Variants in MAGT1 observed in about 807,000 individuals in gnomAD.
MAGT1 encodes magnesium transporter 1.
A neutral mutation model predicts 28.4 loss-of-function variants in MAGT1; 4 were observed. The observed-to-expected ratio is 0.14, with a 90% confidence interval of 0.07 to 0.32. The LOEUF is 0.32. Ranked by LOEUF, MAGT1 falls within the 10% of genes least tolerant of loss-of-function variation. The pLI, the probability that MAGT1 is intolerant of heterozygous loss-of-function variation, is 1.00. For synonymous variants in MAGT1, 89 were observed against 89.7 expected (o/e 0.99, Z 0.04); for missense variants, 193 against 264.5 (o/e 0.73, Z 1.88).
chrX:77,832,230 G>A (rs1487660467), intron 8 of MAGT1, among the ~76,000 whole-genome samples: 6 of 111,102 alleles, frequency 5.4e-5, no homozygotes, highest in East Asian at 5.6e-4. Context: ...TTCAATCCCC[G>A]GACTAAAAAT....
intron 7 of MAGT1, among the ~76,000 whole-genome samples, chrX:77,849,945 CT>C (rs1358788379): frequency 2.0e-5 from 2 of 99,132 alleles, no homozygotes; most frequent in Non-Finnish European, 4.1e-5. Flanking sequence ...CTTTTGTAAA[CT>C]TTTCTGCATA....
chrX:77,845,792 C>G (rs187362766), intron 7 of MAGT1, among the ~76,000 whole-genome samples: 1 of 112,162 alleles, frequency 8.9e-6, no homozygotes, highest in Non-Finnish European at 1.9e-5. Flanking sequence ...TGTAGAGTTT[C>G]TGCTGAGAGA....
In MAGT1 at chrX:77,877,170, TA is replaced by T. The variant is rs1215665406; in HGVS notation, c.103-1574del. On this transcript the variant is annotated intron_variant, in intron 1 of 9. Transcript: ENST00000618282. Reference sequence around the variant, plus strand: ...GGCCTGACAACAAAAGCAGGATCCATAAAAAAAAAAAATTGATATACTGGAC... The same window carrying T: ...GGCCTGACAACAAAAGCAGGATCCATAAAAAAAAAAATTGATATACTGGAC... Among the ~76,000 whole-genome samples the T allele has an allele frequency of 2.3e-3, 232 of 102,828 alleles. 2 individuals carry two copies. Among genetic ancestry groups the T allele is most frequent in the African/African-American group, 6.7e-3 (190 of 28,555 alleles). 89.3% of individuals were successfully genotyped at this position (102,828 alleles called of 115,157 possible).
In MAGT1 at chrX:77,841,327, A is replaced by G; in HGVS notation, c.827-7T>C. ...CCTAAGGTAACTCCACCATCTAAGA[A>G]AAATTGTTTAAGGAGAAATTCGCAC... On this transcript the variant is annotated splice_polypyrimidine_tract_variant and splice_region_variant and intron_variant, in intron 7 of 9. Transcript: ENST00000618282. The G allele has an allele frequency of 8.7e-7, 1 of 1,151,771 alleles. No homozygotes were observed. Among genetic ancestry groups the G allele is most frequent in the Non-Finnish European group, 1.2e-6 (1 of 840,993 alleles). The allele number at this position is 1,151,771 out of a possible 1,213,427, so 94.9% of individuals were successfully genotyped here. A position where few individuals can be genotyped will look rare whatever the true frequency, so the allele number is the denominator to read the frequency against.
At chrX:77,850,196 C>A (rs1464861566) in intron 7 of MAGT1, among the ~76,000 whole-genome samples, 1 of 110,751 alleles carries the variant, frequency 9.0e-6, no homozygotes, top group Admixed American at 9.7e-5. Flanking sequence ...AAAGTGGGGG[C>A]CGGGTGAGGT....
Position 77,856,764 on chromosome X carries a change from A to C in MAGT1, c.641T>G (p.Phe214Cys). The change falls in exon 5 of 10, where the codon TTT (phenylalanine) becomes TGT (cysteine). Residue 214 changes from phenylalanine to cysteine, a missense_variant. Physicochemically the swap from Phe to Cys is radical, Grantham distance 205. Transcript: ENST00000618282. ...TGCAAAAGCCCATCCAGTTTTATTA[A>C]AGAGAAATTCCATATTACTTCTTCG... ...YLRRSNMEFL[F>C]NKTGWAFAAL... 1 of 1,209,844 alleles carries C rather than the reference A, an allele frequency of 8.3e-7. No individual in the cohort carries two copies. The highest frequency in any genetic ancestry group is 1.1e-6 in the Non-Finnish European group (1 of 893,998).
Position 77,829,028 on chromosome X carries a change from T to A in MAGT1, c.*192A>T, listed in dbSNP as rs2076890790. On this transcript the variant is annotated 3_prime_UTR_variant, in exon 10 of 10. Transcript: ENST00000618282. ...GGTTAAGAGGATAATTATTTTCAAA[T>A]ACCTCAGATTTTGACAGAGGATTGC... 1 of 406,806 alleles carries A rather than the reference T, an allele frequency of 2.5e-6. No individual in the cohort carries two copies. The highest frequency in any genetic ancestry group is 2.5e-5 in the African/African-American group (1 of 40,297). 33.5% of individuals were successfully genotyped at this position (406,806 alleles called of 1,213,427 possible). A position where few individuals can be genotyped will look rare whatever the true frequency, so the allele number is the denominator to read the frequency against.
intron 7 of MAGT1, among the ~76,000 whole-genome samples, chrX:77,847,161 G>A (rs1414926004): frequency 2.7e-5 from 3 of 111,965 alleles, no homozygotes; most frequent in Admixed American, 9.5e-5. Context: ...CCTCGCTGCC[G>A]CCCTGCAGTT....
intron 7 of MAGT1, among the ~76,000 whole-genome samples, chrX:77,843,425 G>A (rs537176554): frequency 3.6e-5 from 4 of 110,553 alleles, no homozygotes; most frequent in South Asian, 7.7e-4. Context: ...TTGTAGAAAC[G>A]GGGTCTCACT....
intron 3 of MAGT1, among the ~76,000 whole-genome samples, chrX:77,869,899 G>T (rs1038496751): frequency 5.4e-5 from 6 of 111,469 alleles, no homozygotes; most frequent in Non-Finnish European, 1.9e-5. Flanking sequence ...CCACTACTGG[G>T]TATCTACCCA....
At position 77,827,056 on chromosome X, in the gene MAGT1, A is replaced by G. The variant is rs1268971189; in HGVS notation, c.*2164T>C. 2 of 112,377 alleles carry G rather than the reference A, an allele frequency of 1.8e-5. No individual in the cohort carries two copies. The highest frequency in any genetic ancestry group is 3.8e-5 in the Non-Finnish European group (2 of 53,297). 9.3% of individuals were successfully genotyped at this position (112,377 alleles called of 1,213,427 possible). ...GTAAATGGCAGGTGGCAGTCATAGT[A>G]TCTTTTTAATGTAATACTTGTAAGA... On this transcript the variant is annotated 3_prime_UTR_variant, in exon 10 of 10. Coordinates refer to ENST00000618282, the MANE Select transcript of MAGT1 (RefSeq NM_001367916.1).
intron 8 of MAGT1, among the ~76,000 whole-genome samples, chrX:77,833,458 A>T (rs894736153): frequency 2.7e-5 from 3 of 112,077 alleles, no homozygotes. Flanking sequence ...ACTAGAGTGG[A>T]TGTGAAAACA....
intron 8 of MAGT1, among the ~76,000 whole-genome samples, chrX:77,839,770 G>A (rs1375202512): frequency 9.1e-6 from 1 of 109,862 alleles, no homozygotes; most frequent in African/African-American, 3.3e-5. Context: ...GCCTCCCAAA[G>A]TGCTGGGATT....
chrX:77,878,588 A>G (rs1386370416), intron 1 of MAGT1, among the ~76,000 whole-genome samples: 3 of 107,623 alleles, frequency 2.8e-5, no homozygotes, highest in Non-Finnish European at 5.8e-5. Context: ...GGAGTTTGAG[A>G]TCAGCCTGGC....
chrX:77,843,098 G>C (rs1466719441), intron 7 of MAGT1, among the ~76,000 whole-genome samples: 5 of 112,352 alleles, frequency 4.5e-5, no homozygotes, highest in Non-Finnish European at 9.4e-5. Context: ...CATACATGTT[G>C]TATGCTACCG....
rs868929451 is a variant in MAGT1, at chrX:77,895,419, C to T, written c.-9G>A. The T allele has an allele frequency of 2.5e-6, 3 of 1,210,275 alleles. No homozygotes were observed. The highest frequency in any genetic ancestry group is 2.2e-5 in the Admixed American group (1 of 45,922). ...CGCCAACGCGCTGCCATGTTCGCTC[C>T]TCTCCCTTCTATAAGTGAAACTTTG... On this transcript the variant is annotated 5_prime_UTR_variant, in exon 1 of 10. Coordinates refer to ENST00000618282, the MANE Select transcript of MAGT1 (RefSeq NM_001367916.1).
upstream of MAGT1, chrX:77,895,560 G>T: frequency 9.6e-7 from 1 of 1,039,822 alleles, no homozygotes; most frequent in African/African-American, 1.9e-5. Context: ...CAGCGCGCTG[G>T]CGCTACACGC....
chrX:77,876,171 T>TTA (rs1348246687), intron 1 of MAGT1, among the ~76,000 whole-genome samples: 30 of 23,806 alleles, frequency 1.3e-3, no homozygotes, highest in African/African-American at 2.4e-3. Flanking sequence ...TATATTTTTT[T>TTA]TTTTTTTTTT....
chrX:77,848,373 C>G (rs1182745460), intron 7 of MAGT1, among the ~76,000 whole-genome samples: 1 of 112,274 alleles, frequency 8.9e-6, no homozygotes, highest in Non-Finnish European at 1.9e-5. Context: ...TAGTAGAAGG[C>G]CAGGCGTGGT....
Sources: gnomAD v4.1 joint callset for allele counts (sites outside exome capture counted in the v4.1 genomes callset) on GRCh38, gnomAD v4.1.1 for gene constraint, MANE v1.5 for transcripts, NCBI Gene and HGNC (gene_info 2026-07-23, HGNC 2026-07-21) for gene names.